Variants in SLC4A4 observed in about 807,000 individuals in gnomAD.
The protein encoded by SLC4A4 is electrogenic sodium bicarbonate cotransporter 1.
Under a neutral mutation model 111.5 loss-of-function variants are expected in SLC4A4, and 27 were observed. The ratio of observed to expected loss-of-function variants is 0.24; its 90% CI spans 0.18 to 0.33. The LOEUF (loss-of-function observed/expected upper bound fraction) is 0.33. SLC4A4 is among the 10% of genes least tolerant of loss of function. SLC4A4 has a pLI of 1.00. For missense variants in SLC4A4, 909 were observed against 1,315.5 expected (o/e 0.69, Z 4.78); for synonymous variants, 443 against 463.4 (o/e 0.96, Z 0.57).
chr4:71,236,807 T>C (rs1719846262), intron 2 of SLC4A4, among the ~76,000 whole-genome samples, 158 bp downstream of exon 2: 1 of 152,222 alleles, frequency 6.6e-6, no homozygotes, highest in African/African-American at 2.4e-5. Flanking sequence ...ACACAGAAAG[T>C]AATTTTAAGA....
At chr4:71,209,721 G>A (rs979659820) in intron 1 of SLC4A4, among the ~76,000 whole-genome samples, 4 of 151,996 alleles carry the variant, frequency 2.6e-5, no homozygotes, top group African/African-American at 9.7e-5. Flanking sequence ...TACTTCCTGA[G>A]TATTGTGAGA....
intron 2 of SLC4A4, among the ~76,000 whole-genome samples, chr4:71,115,874 A>G (rs1743229479): frequency 6.6e-6 from 1 of 152,166 alleles, no homozygotes; most frequent in Non-Finnish European, 1.5e-5. Flanking sequence ...AGTATTTAAC[A>G]TATATTCTTT....
intron 16 of SLC4A4, among the ~76,000 whole-genome samples, chr4:71,529,856 A>G (rs1025655937): frequency 6.6e-6 from 1 of 152,118 alleles, no homozygotes; most frequent in Non-Finnish European, 1.5e-5. Flanking sequence ...GTAAATAAGA[A>G]CTAACTTCCA....
chr4:71,566,885 C>T (rs1737518006), intron 24 of SLC4A4, 119 bp from the exon 25 acceptor site: 4 of 726,948 alleles, frequency 5.5e-6, no homozygotes, highest in Non-Finnish European at 9.3e-6. Context: ...ATTGAAATGC[C>T]TAAACTTGTC....
intron 1 of SLC4A4, among the ~76,000 whole-genome samples, chr4:71,206,666 T>A (rs1717786965): frequency 6.6e-6 from 1 of 152,104 alleles, no homozygotes; most frequent in Admixed American, 6.6e-5. Flanking sequence ...GCAAGAAAGA[T>A]CAAACTGTTA....
intron 6 of SLC4A4, among the ~76,000 whole-genome samples, chr4:71,386,705 T>A (rs749302608): frequency 6.6e-6 from 1 of 152,166 alleles, no homozygotes; most frequent in Non-Finnish European, 1.5e-5. Flanking sequence ...GTTTTGTGGA[T>A]ACAGTATCTT....
At chr4:71,210,685 A>G (rs755769452) in intron 1 of SLC4A4, among the ~76,000 whole-genome samples, 2 of 152,238 alleles carry the variant, frequency 1.3e-5, no homozygotes, top group Non-Finnish European at 2.9e-5. Context: ...TGTAAACAAA[A>G]TGATCAGAAG....
intron 12 of SLC4A4, among the ~76,000 whole-genome samples, chr4:71,455,304 G>C (rs1726133778): frequency 6.6e-6 from 1 of 152,140 alleles, no homozygotes; most frequent in South Asian, 2.1e-4. Context: ...AACTCTAATA[G>C]GACATAGAGA....
At chr4:71,198,819 A>T (rs1448834609) in intron 1 of SLC4A4, among the ~76,000 whole-genome samples, 1 of 152,156 alleles carries the variant, frequency 6.6e-6, no homozygotes, top group Non-Finnish European at 1.5e-5. Context: ...TAATAAAAAA[A>T]TACATAACTG....
At chr4:71,459,018 A>T (rs1726556156) in intron 12 of SLC4A4, among the ~76,000 whole-genome samples, 2 of 152,050 alleles carry the variant, frequency 1.3e-5, no homozygotes, top group Admixed American at 6.6e-5. Context: ...CAAAATAAGG[A>T]TTCTGCATTA....
intron 2 of SLC4A4, among the ~76,000 whole-genome samples, chr4:71,239,173 A>G (rs1337869669): frequency 2.6e-5 from 4 of 152,068 alleles, no homozygotes; most frequent in Non-Finnish European, 5.9e-5. Context: ...TATTATTTAC[A>G]TTTTCTTTTA....
chr4:71,460,012 T>A (rs1228425960), intron 12 of SLC4A4, among the ~76,000 whole-genome samples: 1 of 152,118 alleles, frequency 6.6e-6, no homozygotes, highest in African/African-American at 2.4e-5. Context: ...GCATTAGGGT[T>A]TTTTTCATTG....
chr4:71,162,709 G>C (rs1234716007), intron 2 of SLC4A4, among the ~76,000 whole-genome samples: 1 of 152,072 alleles, frequency 6.6e-6, no homozygotes, highest in Non-Finnish European at 1.5e-5. Flanking sequence ...GTTTGATTTT[G>C]GGTCTAGGTG....
chr4:71,240,613 G>A (rs1433097489), intron 2 of SLC4A4, among the ~76,000 whole-genome samples: 1 of 152,122 alleles, frequency 6.6e-6, no homozygotes, highest in Non-Finnish European at 1.5e-5. Flanking sequence ...CATTAGGAGG[G>A]AGTGTTGTTG....
intron 6 of SLC4A4, among the ~76,000 whole-genome samples, chr4:71,374,235 T>C (rs546616784): frequency 6.6e-6 from 1 of 152,344 alleles, no homozygotes; most frequent in East Asian, 1.9e-4. Flanking sequence ...TCTGTTTTTT[T>C]CAGATGCAGA....
intron 2 of SLC4A4, among the ~76,000 whole-genome samples, chr4:71,112,201 C>G (rs184909863): frequency 6.6e-6 from 1 of 152,194 alleles, no homozygotes; most frequent in Non-Finnish European, 1.5e-5. Context: ...TAATTAAAAA[C>G]AAACAATTAT....
intron 15 of SLC4A4, among the ~76,000 whole-genome samples, chr4:71,491,440 A>G (rs1244189846): frequency 2.6e-5 from 4 of 151,908 alleles, no homozygotes; most frequent in African/African-American, 9.7e-5. Context: ...TGGAGTTTGC[A>G]TGTTCTTCTC....
At chr4:71,114,057 C>T (rs1743177444) in intron 2 of SLC4A4, among the ~76,000 whole-genome samples, 1 of 152,040 alleles carries the variant, frequency 6.6e-6, no homozygotes, top group South Asian at 2.1e-4. Context: ...ACCATTCTGG[C>T]TAACACGGTG....
At chr4:71,107,807 A>C (rs1331270721) in intron 2 of SLC4A4, among the ~76,000 whole-genome samples, 2 of 151,906 alleles carry the variant, frequency 1.3e-5, no homozygotes, top group East Asian at 3.9e-4. Flanking sequence ...TCCTGTGCTT[A>C]AGCAATCCTC....
Sources: allele counts gnomAD v4.1 joint callset (sites outside exome capture counted in the v4.1 genomes callset), GRCh38; gene constraint gnomAD v4.1.1; transcripts MANE v1.5; gene names NCBI Gene and HGNC (gene_info 2026-07-23, HGNC 2026-07-21).